Variants in PCDH15 observed in about 807,000 individuals in gnomAD.
The protein encoded by PCDH15 is protocadherin related 15.
Under a neutral mutation model 178.5 loss-of-function variants are expected in PCDH15, and 129 were observed. The ratio of observed to expected loss-of-function variants is 0.72; its 90% confidence interval spans 0.63 to 0.84. PCDH15 has a LOEUF of 0.84. PCDH15 is among the 40% of genes least tolerant of loss of function. The probability of loss-of-function intolerance (pLI) is 0.00; values close to 1 mark genes in which losing one functional copy is unlikely to be tolerated. For synonymous variants in PCDH15, 800 were observed against 732.0 expected, an observed-to-expected ratio of 1.09 and a Z score of -1.50; for missense variants, 2,230 against 2,099.9, an observed-to-expected ratio of 1.06 and a Z score of -1.21.
intron 17 of PCDH15, among the ~76,000 whole-genome samples, chr10:54,074,441 G>C (rs1407516648): frequency 6.6e-6 from 1 of 152,028 alleles, no homozygotes; most frequent in Non-Finnish European, 1.5e-5. Context: ...GGAATCATAT[G>C]GAATTTAACA....
intron 1 of PCDH15, among the ~76,000 whole-genome samples, chr10:54,756,672 G>A (rs920936029): frequency 1.3e-5 from 2 of 150,998 alleles, no homozygotes; most frequent in African/African-American, 4.9e-5. Flanking sequence ...TTATGTGAGC[G>A]TGTGTATGTG....
intron 9 of PCDH15, among the ~76,000 whole-genome samples, chr10:54,220,752 G>C (rs751328835): frequency 6.6e-6 from 1 of 151,774 alleles, no homozygotes; most frequent in Non-Finnish European, 1.5e-5. Context: ...GTGAACCCAG[G>C]AGGCGGAGCT....
intron 18 of PCDH15, among the ~76,000 whole-genome samples, chr10:54,054,629 G>C (rs910617903): frequency 2.0e-5 from 3 of 152,044 alleles, no homozygotes; most frequent in African/African-American, 4.8e-5. Flanking sequence ...CATTGCTAAA[G>C]GGGTAGGCCC....
intron 1 of PCDH15, among the ~76,000 whole-genome samples, chr10:55,211,294 A>C (rs1474671217): frequency 6.6e-6 from 1 of 152,124 alleles, no homozygotes; most frequent in African/African-American, 2.4e-5. Flanking sequence ...CCAATACAGA[A>C]ATGGAATTTA....
intron 1 of PCDH15, among the ~76,000 whole-genome samples, chr10:55,286,668 GC>G (rs1472678685): frequency 6.6e-6 from 1 of 151,830 alleles, no homozygotes; most frequent in Non-Finnish European, 1.5e-5. Flanking sequence ...CAAGTCTGAG[GC>G]CAAAATGAGC....
At chr10:54,646,391 A>T (rs2094130708) in intron 2 of PCDH15, among the ~76,000 whole-genome samples, 1 of 152,130 alleles carries the variant, frequency 6.6e-6, no homozygotes, top group African/African-American at 2.4e-5. Context: ...CCCCAAGGAT[A>T]TTGAGGGACA....
At chr10:55,028,112 T>C (rs1345729482) in intron 2 of PCDH15, among the ~76,000 whole-genome samples, 1 of 151,882 alleles carries the variant, frequency 6.6e-6, no homozygotes, top group Non-Finnish European at 1.5e-5. Flanking sequence ...CTGCTAAATA[T>C]TTCCATATAT....
chr10:54,688,644 C>T (rs2095059317), intron 1 of PCDH15, among the ~76,000 whole-genome samples: 1 of 152,102 alleles, frequency 6.6e-6, no homozygotes, highest in African/African-American at 2.4e-5. Flanking sequence ...GTTTGAAAAT[C>T]TAGCCATGTA....
chr10:55,023,345 C>T (rs564827753), intron 2 of PCDH15, among the ~76,000 whole-genome samples: 18 of 152,204 alleles, frequency 1.2e-4, no homozygotes, highest in Admixed American at 9.8e-4. Context: ...ATAAAACAAA[C>T]GCAGTGTAGA....
At chr10:54,891,863 C>G (rs570842564) in intron 3 of PCDH15, among the ~76,000 whole-genome samples, 1 of 152,160 alleles carries the variant, frequency 6.6e-6, no homozygotes, top group East Asian at 1.9e-4. Context: ...GACTTCATCA[C>G]AGTGCAAAGT....
At chr10:55,559,290 G>A (rs898023699) in intron 2 of PCDH15, among the ~76,000 whole-genome samples, 1 of 151,978 alleles carries the variant, frequency 6.6e-6, no homozygotes. Flanking sequence ...ACTTCACATT[G>A]AATAACAGCT....
At chr10:55,363,221 T>C (rs1845272017) in intron 2 of PCDH15, among the ~76,000 whole-genome samples, 1 of 152,188 alleles carries the variant, frequency 6.6e-6, no homozygotes, top group Admixed American at 6.5e-5. Flanking sequence ...TTCTTACATG[T>C]ATCAATTTTT....
At chr10:55,007,009 C>T (rs1839944598) in intron 2 of PCDH15, among the ~76,000 whole-genome samples, 1 of 152,030 alleles carries the variant, frequency 6.6e-6, no homozygotes. Context: ...TTTAGCACCT[C>T]CCCCCAGCAC....
At chr10:55,276,577 C>T (rs1842603120) in intron 1 of PCDH15, among the ~76,000 whole-genome samples, 1 of 151,460 alleles carries the variant, frequency 6.6e-6, no homozygotes, top group South Asian at 2.1e-4. Context: ...AACAAGTATA[C>T]CTTTTTTATA....
chr10:54,543,170 C>G (rs2085455864), intron 2 of PCDH15, among the ~76,000 whole-genome samples: 1 of 152,194 alleles, frequency 6.6e-6, no homozygotes, highest in African/African-American at 2.4e-5. Flanking sequence ...CCCCCATTGG[C>G]TGAGAGCTAC....
intron 2 of PCDH15, among the ~76,000 whole-genome samples, chr10:55,101,793 CACTG>C (rs961006754): frequency 6.6e-6 from 1 of 151,268 alleles, no homozygotes; most frequent in Non-Finnish European, 1.5e-5. Flanking sequence ...CAGTTTCTTC[CACTG>C]ACTACCAGAA....
intron 2 of PCDH15, among the ~76,000 whole-genome samples, chr10:55,325,551 C>T (rs773842998): frequency 2.0e-4 from 31 of 151,994 alleles, no homozygotes; most frequent in Admixed American, 1.4e-3. Flanking sequence ...TTACTTACAC[C>T]GTATACAAAA....
At position 55,037,328 on chromosome 10, in the gene PCDH15, G is replaced by T. The variant is rs887711685; in HGVS notation, c.-80+129248C>A. The stretch of plus-strand genomic sequence containing the variant: ...GGCTCACTGCAACCTCTGCCTCCCA[G>T]GTTCAAGTGATTCTCCTGCCTCAGC... On this transcript the variant is annotated intron_variant, in intron 2 of 5. Coordinates refer to the PCDH15 transcript ENST00000458638. Among the ~76,000 whole-genome samples the T allele has an allele frequency of 7.2e-5, 11 of 152,152 alleles. No individual in the cohort carries two copies. The East Asian group carries it at 2.1e-3, about 29-fold the overall frequency.
chr10:55,393,291 T>C (rs950562260), intron 2 of PCDH15, among the ~76,000 whole-genome samples: 10 of 152,264 alleles, frequency 6.6e-5, no homozygotes, highest in Admixed American at 4.6e-4. Context: ...CAATAATTCA[T>C]ATTTCAAACA....
Sources: gnomAD v4.1 joint callset for allele counts (sites outside exome capture counted in the v4.1 genomes callset) on GRCh38, gnomAD v4.1.1 for gene constraint, MANE v1.5 for transcripts, NCBI Gene and HGNC (gene_info 2026-07-23, HGNC 2026-07-21) for gene names.